ESRP1: variants seen among roughly 807,000 people sequenced by gnomAD.
ESRP1 encodes the protein RNA-binding motif protein 35A.
A neutral mutation model predicts 81.7 loss-of-function variants in ESRP1; 33 were observed. That is an observed-to-expected ratio of 0.40 (90% CI 0.31 to 0.54). ESRP1 has a LOEUF of 0.54. ESRP1 is among the 20% of genes least tolerant of loss of function. ESRP1 has a pLI of 0.41. For missense variants in ESRP1, 672 were observed against 833.1 expected (o/e 0.81, Z 2.38); for synonymous variants, 320 against 303.3 (o/e 1.06, Z -0.57).
intron 13 of ESRP1, among the ~76,000 whole-genome samples, chr8:94,683,009 A>G (rs575389660): frequency 1.5e-4 from 19 of 129,398 alleles, no homozygotes; most frequent in African/African-American, 4.9e-4. Flanking sequence ...CAGTGGCACA[A>G]TCTCAGCTCA....
chr8:94,660,487 C>T (rs989460744), intron 4 of ESRP1, among the ~76,000 whole-genome samples: 1 of 151,882 alleles, frequency 6.6e-6, no homozygotes, highest in Non-Finnish European at 1.5e-5. Flanking sequence ...GCCTATAATC[C>T]CAGCACTTTA....
chr8:94,645,709 T>C (rs896490224), intron 3 of ESRP1, among the ~76,000 whole-genome samples: 3 of 152,196 alleles, frequency 2.0e-5, no homozygotes, highest in African/African-American at 7.2e-5. Context: ...CACTTATTAC[T>C]GAAAATATGC....
intron 10 of ESRP1, among the ~76,000 whole-genome samples, chr8:94,669,751 T>C (rs1819215572): frequency 6.6e-6 from 1 of 151,620 alleles, no homozygotes; most frequent in Non-Finnish European, 1.5e-5. Flanking sequence ...GCGCCTTTAG[T>C]CCCAGCTACT....
chr8:94,664,790 A>G lies in ESRP1; in HGVS notation c.738A>G (p.Lys246=). ...ATCAAGATATTGCAAGATTCTTCAA[A>G]GGACTCAATATTGCCAAGTTGGTTT... ...SSDQDIARFF[K]GLNIAKGGAA... is the part of the protein sequence containing the mutation. Residue 246 remains lysine (K), a synonymous_variant, in exon 7 of 16, where the codon AAA becomes AAG. Transcript: ENST00000433389. The G allele has an allele frequency of 6.2e-7, 1 of 1,613,892 alleles. No individual in the cohort carries two copies. The highest frequency in any genetic ancestry group is 1.1e-5 in the South Asian group (1 of 91,070).
intron 4 of ESRP1, among the ~76,000 whole-genome samples, chr8:94,657,466 T>TGTATGC (rs1818482897): frequency 2.2e-5 from 2 of 92,684 alleles, no homozygotes; most frequent in African/African-American, 6.9e-5. Context: ...CTATTGAGGC[T>TGTATGC]GTGTGCGTGT....
chr8:94,662,628 G>A (rs1247219321), intron 6 of ESRP1, 73 bp downstream of exon 6: 1 of 1,317,406 alleles, frequency 7.6e-7, no homozygotes, highest in Non-Finnish European at 1.0e-6. Context: ...TTGTTTTTGA[G>A]ACAGAGTCTT....
In ESRP1 at chr8:94,665,074, C is replaced by T; in HGVS notation, c.888+15C>T. ...GGTATATTGAGGTATGTCCTCAAAA[C>T]CTGAACCCCTGGACATCGTGAATGA... On this transcript the variant is annotated intron_variant, in intron 8 of 15. Coordinates refer to ENST00000433389, the MANE Select transcript of ESRP1 (RefSeq NM_017697.4). 1.2e-6 allele frequency: 2 copies of T among 1,613,672 alleles called. No individual in the cohort carries two copies. The highest frequency in any genetic ancestry group is 3.3e-4 in the Middle Eastern group (2 of 6,062).
chr8:94,662,491 TCA>T lies in ESRP1; in HGVS notation c.590-9_590-8del. On this transcript the variant is annotated splice_region_variant and splice_polypyrimidine_tract_variant and intron_variant, in intron 5 of 15. Coordinates refer to ENST00000433389, the MANE Select transcript of ESRP1 (RefSeq NM_017697.4). Reference sequence around the variant, plus strand: ...CACTAAAATGATGACTTTTATGTTCTCATTTTTAGATCACAGGTTTTCAGATC... The same window carrying T: ...CACTAAAATGATGACTTTTATGTTCTTTTTTAGATCACAGGTTTTCAGATC... The T allele has an allele frequency of 1.3e-6, 2 of 1,599,210 alleles. No individual in the cohort carries two copies. Among genetic ancestry groups the T allele is most frequent in the Non-Finnish European group, 1.7e-6 (2 of 1,172,864 alleles).
At chr8:94,700,971 G>GTA in intron 15 of ESRP1, among the ~76,000 whole-genome samples, 1 of 143,464 alleles carries the variant, frequency 7.0e-6, no homozygotes, top group African/African-American at 2.6e-5. Flanking sequence ...GTGTGTGTGT[G>GTA]TGTGTGTGTG....
intron 13 of ESRP1, among the ~76,000 whole-genome samples, chr8:94,690,988 T>A (rs1809380361): frequency 6.6e-6 from 1 of 152,194 alleles, no homozygotes; most frequent in Non-Finnish European, 1.5e-5. Flanking sequence ...AGAGGTAACT[T>A]ATGTGACCTG....
intron 13 of ESRP1, among the ~76,000 whole-genome samples, chr8:94,681,304 T>C (rs113790895): frequency 0.39 from 45,519 of 116,762 alleles, 8,415 homozygotes; most frequent in East Asian, 0.6. Context: ...CCAGCCTGGG[T>C]GACAGAGCAA....
At chr8:94,692,045 C>T (rs1343057052) in intron 13 of ESRP1, among the ~76,000 whole-genome samples, 1 of 152,012 alleles carries the variant, frequency 6.6e-6, no homozygotes, top group Non-Finnish European at 1.5e-5. Flanking sequence ...GCAGATATAC[C>T]GGAAGACCCA....
intron 13 of ESRP1, among the ~76,000 whole-genome samples, chr8:94,689,711 G>A (rs569069781): frequency 3.3e-5 from 5 of 151,104 alleles, no homozygotes; most frequent in South Asian, 4.2e-4. Flanking sequence ...GAGTGCAGCC[G>A]ATCTTGGCCC....
rs1462373140 is a variant in ESRP1 at position 94,643,296 on chromosome 8, C to A, written c.262-7C>A. The A allele has an allele frequency of 6.3e-7, 1 of 1,575,450 alleles. No homozygotes were observed. The highest frequency in any genetic ancestry group is 8.7e-7 in the Non-Finnish European group (1 of 1,144,798). On this transcript the variant is annotated splice_region_variant and splice_polypyrimidine_tract_variant and intron_variant, in intron 2 of 15. Transcript: ENST00000433389. ...GTTGCATCCCTATGTGTATCTTGTT[C>A]TTGCAGTTTAACCAGTCAGTGAGCA...
chr8:94,680,685 C>G (rs1390218803), intron 13 of ESRP1, among the ~76,000 whole-genome samples: 1 of 152,090 alleles, frequency 6.6e-6, no homozygotes, highest in Non-Finnish European at 1.5e-5. Flanking sequence ...TCTCAGCCTC[C>G]CAAAGTGCTG....
intron 4 of ESRP1, among the ~76,000 whole-genome samples, chr8:94,652,324 G>A (rs561265051): frequency 5.1e-4 from 77 of 152,240 alleles, no homozygotes; most frequent in African/African-American, 1.7e-3. Flanking sequence ...AGGCCTTTGA[G>A]TTATTCCAGT....
At chr8:94,691,523 GAAACTAGGA>G (rs1273464936) in intron 13 of ESRP1, among the ~76,000 whole-genome samples, 1 of 152,194 alleles carries the variant, frequency 6.6e-6, no homozygotes, top group Non-Finnish European at 1.5e-5. Context: ...GCAGTTCTGT[GAAACTAGGA>G]AAGTGCTGAT....
chr8:94,680,848 C>T (rs1289466736), intron 13 of ESRP1, among the ~76,000 whole-genome samples: 1 of 152,102 alleles, frequency 6.6e-6, no homozygotes, highest in Non-Finnish European at 1.5e-5. Flanking sequence ...TCTGAAACAG[C>T]ATATTCTAGG....
At position 94,642,041 on chromosome 8, in the gene ESRP1, A is replaced by G; in HGVS notation, c.218A>G (p.Glu73Gly). Residue 73 changes from glutamate to glycine, a missense_variant, in exon 2 of 16, where the codon GAA becomes GGA. Physicochemically the swap from Glu to Gly is moderately conservative, Grantham distance 98 (BLOSUM62 -2). Coordinates refer to ENST00000433389, the MANE Select transcript of ESRP1 (RefSeq NM_017697.4). Reference sequence around the variant, plus strand: ...AAAGAAGAAACTAAAATAGACGTCGAAAGCCTGTCCTCGGCGTCGCAGCTG... The same window carrying G: ...AAAGAAGAAACTAAAATAGACGTCGGAAGCCTGTCCTCGGCGTCGCAGCTG... ...DCKEETKIDV[E>G]SLSSASQLDQ... The G allele has an allele frequency of 6.2e-7, 1 of 1,613,756 alleles. No homozygotes were observed. The highest frequency in any genetic ancestry group is 8.5e-7 in the Non-Finnish European group (1 of 1,179,876).
Sources: allele counts gnomAD v4.1 joint callset (sites outside exome capture counted in the v4.1 genomes callset), GRCh38; gene constraint gnomAD v4.1.1; transcripts MANE v1.5; gene names NCBI Gene and HGNC (gene_info 2026-07-23, HGNC 2026-07-21).